Variants in ZNF564 observed in about 807,000 individuals in gnomAD.
ZNF564 encodes zinc finger protein 564.
A neutral mutation model predicts 10.5 loss-of-function variants in ZNF564; 5 were observed. The observed-to-expected ratio is 0.48, with a 90% CI of 0.25 to 1.00. ZNF564 has a LOEUF of 1.00. ZNF564 is among the 50% of genes least tolerant of loss of function. The probability of loss-of-function intolerance (pLI) is 0.16; values close to 1 mark genes in which losing one functional copy is unlikely to be tolerated. For missense variants in ZNF564, 603 were observed against 669.7 expected (o/e 0.90, Z 1.10); for synonymous variants, 242 against 218.1 (o/e 1.11, Z -0.97).
chr19:12,536,326 G>A (rs1335261510), intron 1 of ZNF564, among the ~76,000 whole-genome samples: 5 of 152,080 alleles, frequency 3.3e-5, no homozygotes, highest in African/African-American at 1.2e-4. Context: ...ACAGGTACAT[G>A]TCACCATGCT....
chr19:12,528,237 A>T, intron 3 of ZNF564, 67 bp downstream of exon 3: 1 of 1,432,294 alleles, frequency 7.0e-7, no homozygotes, highest in Non-Finnish European at 9.6e-7. Context: ...TGGTTTGTTT[A>T]CTTATTTTTA....
At chr19:12,538,601 G>A (rs888921896) in intron 1 of ZNF564, among the ~76,000 whole-genome samples, 1 of 151,146 alleles carries the variant, frequency 6.6e-6, no homozygotes, top group Non-Finnish European at 1.5e-5. Context: ...TTCCAGCCTG[G>A]GCAACACAGC....
intron 1 of ZNF564, among the ~76,000 whole-genome samples, chr19:12,542,741 T>G (rs1207516844): frequency 6.6e-6 from 1 of 151,884 alleles, no homozygotes; most frequent in African/African-American, 2.4e-5. Context: ...CCATAGCTCA[T>G]GCCTGTAATC....
rs2021664927 is a variant in ZNF564, at chr19:12,525,499, T to C, written c.*947A>G. Reference sequence around the variant, plus strand: ...TCCACATCCTTGACAGTATTTCTTGTTTTCCATCTTTGATACTACTAATCC... The same window carrying C: ...TCCACATCCTTGACAGTATTTCTTGCTTTCCATCTTTGATACTACTAATCC... On this transcript the variant is annotated 3_prime_UTR_variant, in exon 4 of 4. Coordinates refer to ENST00000339282, the MANE Select transcript of ZNF564 (RefSeq NM_144976.4). 6.6e-6 allele frequency: 1 copy of C among 152,234 alleles called. No individual in the cohort carries two copies. Among genetic ancestry groups the C allele is most frequent in the Admixed American group, 6.5e-5 (1 of 15,280 alleles). The allele number at this position is 152,234 out of a possible 1,614,324, so 9.4% of individuals were successfully genotyped here.
intron 1 of ZNF564, among the ~76,000 whole-genome samples, chr19:12,547,973 G>A (rs535674655): frequency 1.3e-5 from 2 of 151,564 alleles, no homozygotes; most frequent in East Asian, 2.0e-4. Context: ...CACCATGCCC[G>A]GCTAATTTTG....
chr19:12,537,276 T>C (rs893885439), intron 1 of ZNF564, among the ~76,000 whole-genome samples: 1 of 152,232 alleles, frequency 6.6e-6, no homozygotes, highest in Non-Finnish European at 1.5e-5. Context: ...CCTCTGATCA[T>C]GTACTATGTG....
Position 12,526,557 on chromosome 19 carries a change from G to A in ZNF564, c.1551C>T (p.Ser517=). Residue 517 remains serine, a synonymous_variant, in exon 4 of 4, where the codon TCC becomes TCT. Transcript: ENST00000339282. ...CTCTTTCATGTCTTTGAAAGGAACT[G>A]GAATAACTGAACGTTTTTCCACATT... The part of the protein sequence containing the change: ...CKQCGKTFSY[S]SSFQRHERAH... 1 of 1,614,042 alleles carries A rather than the reference G, an allele frequency of 6.2e-7. No homozygotes were observed. The highest frequency in any genetic ancestry group is 8.5e-7 in the Non-Finnish European group (1 of 1,180,016).
intron 1 of ZNF564, among the ~76,000 whole-genome samples, chr19:12,529,537 C>T (rs1031096317): frequency 5.9e-5 from 9 of 151,446 alleles, no homozygotes; most frequent in Non-Finnish European, 1.2e-4. Flanking sequence ...ACCCAGGAAG[C>T]GGAGGTTGCA....
chr19:12,547,952 C>T (rs1200397491), intron 1 of ZNF564, among the ~76,000 whole-genome samples: 1 of 151,540 alleles, frequency 6.6e-6, no homozygotes, highest in African/African-American at 2.4e-5. Flanking sequence ...GCTGGGATTA[C>T]AGGCATGCGC....
rs1189152899 is a variant in ZNF564 at position 12,541,076 on chromosome 19, A to AG, written c.3+10253_3+10254insC. Among the ~76,000 whole-genome samples the AG allele has an allele frequency of 2.0e-5, 3 of 150,216 alleles. No homozygotes were observed. The East Asian group carries it at 5.8e-4, about 29-fold the overall frequency. On this transcript the variant is annotated intron_variant, in intron 1 of 3. Coordinates refer to ENST00000339282, the MANE Select transcript of ZNF564 (RefSeq NM_144976.4). ...AAAACCCTGTCTCTACAAAAAAAAA[A>AG]AAAAAAAAAAAAGAAACACAAAAAT...
chr19:12,543,833 T>C (rs1244861596), intron 1 of ZNF564, among the ~76,000 whole-genome samples: 2 of 152,264 alleles, frequency 1.3e-5, no homozygotes, highest in African/African-American at 2.4e-5. Context: ...GTCGTTGCAT[T>C]AGGAGGTGGC....
intron 1 of ZNF564, chr19:12,548,089 T>G (rs1263244249): frequency 6.7e-6 from 6 of 890,084 alleles, no homozygotes; most frequent in Non-Finnish European, 8.0e-6. Flanking sequence ...ATTACAGGCA[T>G]GAGCCACCAC....
intron 1 of ZNF564, chr19:12,548,644 A>G (rs921190701): frequency 1.7e-5 from 10 of 580,166 alleles, no homozygotes; most frequent in Non-Finnish European, 2.8e-5. Flanking sequence ...CTGGCAAGAC[A>G]TTTGTATTCT....
rs56173239 is a variant in ZNF564 at position 12,537,738 on chromosome 19, C to CAA, written c.4-9044_4-9043dup. Among the ~76,000 whole-genome samples, 521 of 114,290 alleles carry CAA rather than the reference C, an allele frequency of 4.6e-3. 3 individuals carry two copies. Among genetic ancestry groups the CAA allele is most frequent in the Middle Eastern group, 0.018 (4 of 218 alleles). The allele number at this position is 114,290 out of a possible 152,430, so 75.0% of individuals were successfully genotyped here. On this transcript the variant is annotated intron_variant, in intron 1 of 3. Coordinates refer to ENST00000339282, the MANE Select transcript of ZNF564 (RefSeq NM_144976.4). Reference sequence around the variant, plus strand: ...GGGCAACAAGAGTGAAACTCCGTCTCAAAAAAAAAAAAAAAGAAAAAAAAG... The same window carrying CAA: ...GGGCAACAAGAGTGAAACTCCGTCTCAAAAAAAAAAAAAAAAAGAAAAAAAAG...
chr19:12,537,258 T>C (rs1044292575), intron 1 of ZNF564, among the ~76,000 whole-genome samples: 1 of 152,224 alleles, frequency 6.6e-6, no homozygotes, highest in Non-Finnish European at 1.5e-5. Flanking sequence ...ATCCTCAGAT[T>C]CGACCACCCT....
intron 1 of ZNF564, among the ~76,000 whole-genome samples, chr19:12,539,503 C>G (rs866512315): frequency 3.1e-5 from 2 of 64,018 alleles, no homozygotes; most frequent in Non-Finnish European, 6.5e-5. Context: ...AATAAAAATA[C>G]AAAAAAAAAA....
chr19:12,540,916 G>A (rs2022032929), intron 1 of ZNF564, among the ~76,000 whole-genome samples: 2 of 151,218 alleles, frequency 1.3e-5, no homozygotes, highest in African/African-American at 2.4e-5. Context: ...AGAGGCTGAG[G>A]TAGGAGAATT....
chr19:12,537,196 T>A (rs528901348), intron 1 of ZNF564, among the ~76,000 whole-genome samples: 1 of 152,330 alleles, frequency 6.6e-6, no homozygotes, highest in Admixed American at 6.5e-5. Context: ...ATTTTCTTTA[T>A]CTATCATCCA....
chr19:12,530,583 T>A (rs1360675067), intron 1 of ZNF564, among the ~76,000 whole-genome samples: 1 of 152,140 alleles, frequency 6.6e-6, no homozygotes, highest in African/African-American at 2.4e-5. Context: ...TTCATTCAAG[T>A]CCAGATGGTT....
Sources: gnomAD v4.1 joint callset for allele counts (sites outside exome capture counted in the v4.1 genomes callset) on GRCh38, gnomAD v4.1.1 for gene constraint, MANE v1.5 for transcripts, NCBI Gene and HGNC (gene_info 2026-07-23, HGNC 2026-07-21) for gene names.